The following FCHSD2 variants were observed in gnomAD, a reference collection of about 807,000 sequenced individuals.
FCHSD2 encodes F-BAR and double SH3 domains protein 2.
Under a neutral mutation model 108.1 loss-of-function variants are expected in FCHSD2, and 38 were observed. The ratio of observed to expected loss-of-function variants is 0.35; its 90% CI spans 0.27 to 0.46. FCHSD2 has a LOEUF of 0.46. FCHSD2 is among the 20% of genes least tolerant of loss of function. The pLI is 1.00. For missense variants in FCHSD2, 751 were observed against 897.8 expected (o/e 0.84, Z 2.09); for synonymous variants, 279 against 314.7 (o/e 0.89, Z 1.20).
At chr11:72,958,203 G>A (rs1164705876) in intron 8 of FCHSD2, among the ~76,000 whole-genome samples, 1 of 152,154 alleles carries the variant, frequency 6.6e-6, no homozygotes, top group Non-Finnish European at 1.5e-5. Context: ...AACCTTTGGA[G>A]CTAAGGACTA....
chr11:73,013,133 G>A (rs947058707), intron 4 of FCHSD2, among the ~76,000 whole-genome samples: 6 of 152,198 alleles, frequency 3.9e-5, no homozygotes, highest in Non-Finnish European at 7.3e-5. Flanking sequence ...ACTGTGATAT[G>A]TAAAGTCCTT....
chr11:73,047,636 G>T (rs1858799727), intron 3 of FCHSD2, among the ~76,000 whole-genome samples: 1 of 152,014 alleles, frequency 6.6e-6, no homozygotes, highest in South Asian at 2.1e-4. Context: ...ATTTCTAACG[G>T]CAAATATTTA....
chr11:73,070,827 G>A (rs1479447349), intron 3 of FCHSD2, among the ~76,000 whole-genome samples: 1 of 151,970 alleles, frequency 6.6e-6, no homozygotes, highest in African/African-American at 2.4e-5. Context: ...ACACCTCAGT[G>A]GTTAGTTAAG....
At chr11:72,887,628 TTAAG>T in intron 11 of FCHSD2, 54 bp from the exon 12 acceptor site, 5 of 1,110,598 alleles carry the variant, frequency 4.5e-6, no homozygotes, top group Non-Finnish European at 6.4e-6. Context: ...TTCATCTTCC[TTAAG>T]TGATTAAAGT....
chr11:72,922,580 A>C (rs1855995737), intron 8 of FCHSD2, among the ~76,000 whole-genome samples: 1 of 152,206 alleles, frequency 6.6e-6, no homozygotes, highest in African/African-American at 2.4e-5. Context: ...TTGAGGAATG[A>C]TTAAGCTATG....
In FCHSD2 at chr11:73,093,054, G is replaced by C. The variant is rs115666265; in HGVS notation, c.120-9314C>G. ...GAGAGGCTGGAGGCTAAGGCCAGCCGCATGAGTAGTAATCATGTCTAAGTG... is the reference window on the plus strand; with the variant it reads ...GAGAGGCTGGAGGCTAAGGCCAGCCCCATGAGTAGTAATCATGTCTAAGTG... On this transcript the variant is annotated intron_variant, in intron 2 of 19. Transcript: ENST00000409418. Among the ~76,000 whole-genome samples, 756 of 152,236 alleles carry C rather than the reference G, an allele frequency of 5.0e-3. 5 individuals are homozygous for C. Among genetic ancestry groups the C allele is most frequent in the African/African-American group, 0.017 (719 of 41,540 alleles).
chr11:72,940,744 A>G (rs1856400320), intron 8 of FCHSD2: 1 of 860,946 alleles, frequency 1.2e-6, no homozygotes, highest in African/African-American at 1.6e-5. Flanking sequence ...AACTAATGGC[A>G]AGCCTGTTCA....
At chr11:73,024,704 A>G (rs573462914) in intron 3 of FCHSD2, among the ~76,000 whole-genome samples, 15 of 152,222 alleles carry the variant, frequency 9.9e-5, no homozygotes, top group African/African-American at 3.4e-4. Context: ...GTAAACAGAC[A>G]CCCTACCGAA....
At chr11:73,039,426 G>C (rs1858578052) in intron 3 of FCHSD2, among the ~76,000 whole-genome samples, 1 of 151,858 alleles carries the variant, frequency 6.6e-6, no homozygotes. Flanking sequence ...GCAGAGGTGA[G>C]AGACTCGCTT....
chr11:72,957,904 T>C (rs1218998404), intron 8 of FCHSD2, among the ~76,000 whole-genome samples: 1 of 152,208 alleles, frequency 6.6e-6, no homozygotes, highest in Non-Finnish European at 1.5e-5. Flanking sequence ...TTGTACTTTC[T>C]TGCAATTTTT....
chr11:72,858,946 T>C (rs938208028), intron 13 of FCHSD2, among the ~76,000 whole-genome samples: 23 of 152,140 alleles, frequency 1.5e-4, no homozygotes, highest in African/African-American at 5.6e-4. Context: ...CAGTGATCCC[T>C]GGGGGATGGG....
chr11:72,938,300 G>C (rs1258253653), intron 8 of FCHSD2, among the ~76,000 whole-genome samples: 1 of 149,338 alleles, frequency 6.7e-6, no homozygotes, highest in Non-Finnish European at 1.5e-5. Flanking sequence ...TCTTGAGTTT[G>C]AATTCCAAGA....
At position 72,954,106 on chromosome 11, in the gene FCHSD2, TAGAA is replaced by T. The variant is rs374906780; in HGVS notation, c.705+29978_705+29981del. Among the ~76,000 whole-genome samples the T allele has an allele frequency of 2.1e-4, 32 of 151,108 alleles. No individual in the cohort carries two copies. The East Asian group carries it at 5.8e-3, about 27-fold the overall frequency. On this transcript the variant is annotated intron_variant, in intron 8 of 19. Coordinates refer to ENST00000409418, the MANE Select transcript of FCHSD2 (RefSeq NM_014824.3). ...ATAGACATAAAGGTAGGGGTGGGAG[TAGAA>T]AGCCAATTAGAAGAATCTTGCTAAA...
intron 3 of FCHSD2, among the ~76,000 whole-genome samples, chr11:73,027,151 A>C (rs1353377403): frequency 6.6e-6 from 1 of 152,182 alleles, no homozygotes; most frequent in Non-Finnish European, 1.5e-5. Flanking sequence ...TCAGAAGAAG[A>C]GAGGAGGATG....
rs1408282822 is a variant in FCHSD2, at chr11:72,843,309, T to C, written c.1547A>G (p.Gln516Arg). The part of the protein sequence containing the change: ...DWVKARNKVG[Q>R]VGYVPEKYLQ... Reference sequence around the variant, plus strand: ...GTACTTTTCTGGCACATAACCCACTTGGCCAACTTTATTTCGAGCCTGGGT... The same window carrying C: ...GTACTTTTCTGGCACATAACCCACTCGGCCAACTTTATTTCGAGCCTGGGT... The change falls in exon 16 of 20, where the codon CAA becomes CGA. Residue 516 changes from glutamine (Q) to arginine (R), a missense_variant. Physicochemically the swap from Gln to Arg is conservative, Grantham distance 43. Coordinates refer to ENST00000409418, the MANE Select transcript of FCHSD2 (RefSeq NM_014824.3). 1 of 1,613,862 alleles carries C rather than the reference T, an allele frequency of 6.2e-7. No individual in the cohort carries two copies. Among genetic ancestry groups the C allele is most frequent in the South Asian group, 1.1e-5 (1 of 91,082 alleles).
At chr11:73,077,225 C>A (rs184198940) in intron 3 of FCHSD2, among the ~76,000 whole-genome samples, 2 of 149,880 alleles carry the variant, frequency 1.3e-5, no homozygotes, top group Admixed American at 6.6e-5. Flanking sequence ...AACCAAACAA[C>A]CCAATTTAAA....
chr11:73,123,082 T>G (rs1236838431), intron 2 of FCHSD2, among the ~76,000 whole-genome samples: 1 of 152,110 alleles, frequency 6.6e-6, no homozygotes, highest in East Asian at 1.9e-4. Context: ...TGTAATTAAT[T>G]AACATGAACT....
intron 3 of FCHSD2, among the ~76,000 whole-genome samples, chr11:73,048,769 G>C (rs2135472717): frequency 6.6e-6 from 1 of 152,174 alleles, no homozygotes; most frequent in East Asian, 1.9e-4. Context: ...CAGTAAGACA[G>C]GGATGTATGT....
chr11:72,990,770 T>C (rs1045057818), intron 5 of FCHSD2, among the ~76,000 whole-genome samples: 3 of 152,080 alleles, frequency 2.0e-5, no homozygotes, highest in Admixed American at 6.5e-5. Context: ...AGATCTAAAA[T>C]TGACAACCTA....
Sources: gnomAD v4.1 joint callset for allele counts (sites outside exome capture counted in the v4.1 genomes callset) on GRCh38, gnomAD v4.1.1 for gene constraint, MANE v1.5 for transcripts, NCBI Gene and HGNC (gene_info 2026-07-23, HGNC 2026-07-21) for gene names.